The following DNAJC3 variants were observed in gnomAD, a reference collection of about 807,000 sequenced individuals.
DNAJC3 encodes dnaJ homolog subfamily C member 3.
In DNAJC3, 38 loss-of-function variants were observed where a neutral mutation model predicts 68.6. That is an observed-to-expected ratio of 0.55 (90% CI 0.43 to 0.73). The LOEUF (loss-of-function observed/expected upper bound fraction) is 0.73, where lower values mean the gene tolerates loss of function less well. Ranked by LOEUF, DNAJC3 falls within the 30% of genes least tolerant of loss-of-function variation. The probability of loss-of-function intolerance (pLI) is 0.00; values close to 1 mark genes in which losing one functional copy is unlikely to be tolerated. For missense variants in DNAJC3, 526 were observed against 591.9 expected, an observed-to-expected ratio of 0.89 and a Z score of 1.16; for synonymous variants, 203 against 204.0, an observed-to-expected ratio of 1.00 and a Z score of 0.04.
Position 95,677,274 on chromosome 13 carries a change from G to T in DNAJC3, c.19G>T (p.Val7Leu). The change falls in exon 1 of 12, where the codon GTG (valine) becomes TTG (leucine). Residue 7 changes from valine to leucine, a missense_variant. Physicochemically the swap from Val to Leu is conservative, Grantham distance 32. Transcript: ENST00000602402. ...CTCGGACATGGTGGCCCCCGGCTCC[G>T]TGACCAGCCGGCTGGGCTCGGTATT... The part of the protein sequence containing the change: MVAPGS[V>L]TSRLGSVFPF... 1 of 1,602,638 alleles carries T rather than the reference G, an allele frequency of 6.2e-7. No homozygotes were observed.
intron 4 of DNAJC3, among the ~76,000 whole-genome samples, chr13:95,725,613 T>C (rs1204734516): frequency 1.3e-5 from 2 of 152,180 alleles, no homozygotes; most frequent in African/African-American, 4.8e-5. Context: ...ATCTGTCCTT[T>C]TGGAGATCCT....
chr13:95,757,221 G>A (rs527355554), intron 4 of DNAJC3, among the ~76,000 whole-genome samples: 2 of 151,662 alleles, frequency 1.3e-5, no homozygotes, highest in Admixed American at 1.3e-4. Context: ...TTCCCTATGT[G>A]TTTCATTATT....
chr13:95,747,935 A>G lies in DNAJC3; in HGVS notation c.394-9709A>G, dbSNP rs373069829. ...GAAAAATCATTTAGGGGAGAGGGAC[A>G]GGTAGAGAAAATATGACTGTCTTAT... is the stretch of plus-strand genomic sequence containing the variant. On this transcript the variant is annotated intron_variant, in intron 4 of 11. Transcript: ENST00000602402. Among the ~76,000 whole-genome samples, 5 of 152,250 alleles carry G rather than the reference A, an allele frequency of 3.3e-5. No individual in the cohort carries two copies. The East Asian group carries it at 9.6e-4, about 29-fold the overall frequency.
At chr13:95,703,065 A>G (rs562720448) in intron 1 of DNAJC3, among the ~76,000 whole-genome samples, 18 of 152,240 alleles carry the variant, frequency 1.2e-4, no homozygotes, top group Non-Finnish European at 2.4e-4. Context: ...CTGTAAAGTC[A>G]TCGTGAACAC....
intron 11 of DNAJC3, 78 bp from the exon 12 acceptor site, chr13:95,790,795 C>CAAA: frequency 3.5e-6 from 5 of 1,441,192 alleles, no homozygotes; most frequent in Non-Finnish European, 4.7e-6. Flanking sequence ...ACCCACCCTC[C>CAAA]TCTGCCCAAA....
chr13:95,714,301 G>A (rs184586312), intron 2 of DNAJC3, among the ~76,000 whole-genome samples: 4 of 151,808 alleles, frequency 2.6e-5, no homozygotes, highest in South Asian at 2.1e-4. Flanking sequence ...AGGCTGAGGC[G>A]GGAGGACTGC....
intron 1 of DNAJC3, among the ~76,000 whole-genome samples, chr13:95,692,224 C>A (rs1236811164): frequency 6.6e-6 from 1 of 152,174 alleles, no homozygotes. Flanking sequence ...GTTCCACACA[C>A]AGATGAGAAA....
chr13:95,761,596 T>C (rs1882820916), intron 7 of DNAJC3, among the ~76,000 whole-genome samples: 1 of 152,206 alleles, frequency 6.6e-6, no homozygotes, highest in Admixed American at 6.5e-5. Flanking sequence ...AGATACAGAA[T>C]AATTCCATCC....
chr13:95,695,930 A>G (rs1319842196), intron 1 of DNAJC3, among the ~76,000 whole-genome samples: 2 of 152,334 alleles, frequency 1.3e-5, no homozygotes, highest in East Asian at 3.9e-4. Context: ...GACTGCCAAC[A>G]CTAATATATT....
chr13:95,738,731 T>C (rs373337876), intron 4 of DNAJC3, among the ~76,000 whole-genome samples: 1 of 152,196 alleles, frequency 6.6e-6, no homozygotes, highest in Non-Finnish European at 1.5e-5. Flanking sequence ...GCACGTGAGA[T>C]GGGTTTCCTG....
intron 1 of DNAJC3, among the ~76,000 whole-genome samples, chr13:95,684,331 TG>T: frequency 6.6e-6 from 1 of 152,322 alleles, no homozygotes; most frequent in Non-Finnish European, 1.5e-5. Context: ...TATGGATCTG[TG>T]GAACTTTGAA....
intron 9 of DNAJC3, among the ~76,000 whole-genome samples, chr13:95,785,246 TTTA>T (rs1883564678): frequency 6.6e-6 from 1 of 152,110 alleles, no homozygotes; most frequent in Non-Finnish European, 1.5e-5. Flanking sequence ...GCCGATTTTC[TTTA>T]TCACTGTCTT....
At chr13:95,741,333 G>A (rs1882136254) in intron 4 of DNAJC3, among the ~76,000 whole-genome samples, 1 of 152,178 alleles carries the variant, frequency 6.6e-6, no homozygotes, top group Admixed American at 6.5e-5. Flanking sequence ...GCTGTAATCA[G>A]TGTCAGTGGT....
At chr13:95,760,286 G>T in intron 6 of DNAJC3, 65 bp downstream of exon 6, 5 of 1,319,924 alleles carry the variant, frequency 3.8e-6, no homozygotes, top group Non-Finnish European at 5.0e-6. Flanking sequence ...ACCTCATCTT[G>T]TTTTAACATT....
chr13:95,782,649 T>C (rs962903892), intron 9 of DNAJC3, among the ~76,000 whole-genome samples: 4 of 152,126 alleles, frequency 2.6e-5, no homozygotes, highest in African/African-American at 9.7e-5. Flanking sequence ...TTTGATAGGG[T>C]TGTTTTCTTG....
intron 1 of DNAJC3, among the ~76,000 whole-genome samples, chr13:95,683,131 C>T (rs1477950426): frequency 1.3e-5 from 2 of 152,150 alleles, no homozygotes; most frequent in Admixed American, 6.5e-5. Flanking sequence ...ATTGAAGGAG[C>T]TTTTTTTCCC....
intron 9 of DNAJC3, among the ~76,000 whole-genome samples, chr13:95,782,166 G>C (rs754196945): frequency 2.0e-5 from 3 of 152,128 alleles, no homozygotes; most frequent in African/African-American, 7.2e-5. Context: ...GTATTCCATG[G>C]TGTATATGTG....
intron 2 of DNAJC3, among the ~76,000 whole-genome samples, chr13:95,712,498 T>C (rs1302467046): frequency 6.6e-6 from 1 of 151,160 alleles, no homozygotes; most frequent in African/African-American, 2.4e-5. Context: ...TGCCTCAGCC[T>C]CCCAAGTAGC....
At chr13:95,702,778 A>C (rs1880618875) in intron 1 of DNAJC3, among the ~76,000 whole-genome samples, 1 of 152,224 alleles carries the variant, frequency 6.6e-6, no homozygotes, top group Admixed American at 6.5e-5. Flanking sequence ...GAATAGAAGA[A>C]CTGAGACAAT....
Sources: allele counts gnomAD v4.1 joint callset (sites outside exome capture counted in the v4.1 genomes callset), GRCh38; gene constraint gnomAD v4.1.1; transcripts MANE v1.5; gene names NCBI Gene and HGNC (gene_info 2026-07-23, HGNC 2026-07-21).